FCMR: variants seen among roughly 807,000 people sequenced by gnomAD.
FCMR encodes immunoglobulin mu Fc receptor.
In FCMR, 34 loss-of-function variants were observed where a neutral mutation model predicts 41.6. The ratio of observed to expected loss-of-function variants is 0.82; its 90% CI spans 0.62 to 1.09. The LOEUF (loss-of-function observed/expected upper bound fraction) is 1.09. FCMR is among the 50% of genes least tolerant of loss of function. The pLI, the probability that FCMR is intolerant of heterozygous loss-of-function variation, is 0.00. For missense variants in FCMR, 496 were observed against 512.5 expected (o/e 0.97, Z 0.31); for synonymous variants, 209 against 211.8 (o/e 0.99, Z 0.12).
At position 206,908,815 on chromosome 1, in the gene FCMR, G is replaced by A. The variant is rs367642080; in HGVS notation, c.1044+647C>T. The stretch of plus-strand genomic sequence containing the variant: ...TTTGGACACTGTAGGCTGCTTTAGA[G>A]AATAAAAAGCTTTCTCATCTCAATT... On this transcript the variant is annotated intron_variant, in intron 7 of 7. Coordinates refer to ENST00000367091, the MANE Select transcript of FCMR (RefSeq NM_005449.5). Among the ~76,000 whole-genome samples, 46 of 152,226 alleles carry A rather than the reference G, an allele frequency of 3.0e-4. 1 individual carries two copies. The East Asian group carries it at 5.4e-3, about 18-fold the overall frequency.
At position 206,904,842 on chromosome 1, in the gene FCMR, G is replaced by C. The variant is rs370846528; in HGVS notation, c.*177C>G. 1.5e-6 allele frequency: 1 copy of C among 681,864 alleles called. No homozygotes were observed. Among genetic ancestry groups the C allele is most frequent in the Admixed American group, 2.5e-5 (1 of 40,268 alleles). The allele number at this position is 681,864 out of a possible 1,614,324, so 42.2% of individuals were successfully genotyped here. On this transcript the variant is annotated 3_prime_UTR_variant, in exon 8 of 8. Coordinates refer to ENST00000367091, the MANE Select transcript of FCMR (RefSeq NM_005449.5). ...AGGGGGCTGCCAAGGTGTGCAAGAC[G>C]ACCTGGGGGCAGAGCCATGCTCAGG...
At chr1:206,908,550 T>G (rs1034978562) in intron 7 of FCMR, among the ~76,000 whole-genome samples, 1 of 152,180 alleles carries the variant, frequency 6.6e-6, no homozygotes, top group Non-Finnish European at 1.5e-5. Flanking sequence ...CACCTGGTAA[T>G]ATAGCTCTGC....
chr1:206,920,933 G>A lies in FCMR; in HGVS notation c.37+885C>T, dbSNP rs1679411881. Among the ~76,000 whole-genome samples the A allele has an allele frequency of 2.0e-5, 3 of 152,222 alleles. No homozygotes were observed. The South Asian group carries it at 6.2e-4, about 31-fold the overall frequency. ...GAATGAGGATACATGGGAAGAGGTG[G>A]TAATTAGCCATTCTGGCATTTTGTG... On this transcript the variant is annotated intron_variant, in intron 1 of 7. Coordinates refer to ENST00000367091, the MANE Select transcript of FCMR (RefSeq NM_005449.5).
chr1:206,921,148 C>T (rs571738727), intron 1 of FCMR, among the ~76,000 whole-genome samples: 10 of 152,192 alleles, frequency 6.6e-5, no homozygotes, highest in African/African-American at 1.7e-4. Context: ...GAATGGATTA[C>T]GGAATTTTCA....
intron 7 of FCMR, chr1:206,907,825 TC>T: frequency 7.1e-7 from 1 of 1,400,932 alleles, no homozygotes; most frequent in Non-Finnish European, 1.0e-6. Context: ...CTTCCCGAGG[TC>T]CCTACCACTT....
intron 2 of FCMR, 59 bp downstream of exon 2, chr1:206,913,700 T>A: frequency 7.2e-7 from 1 of 1,396,744 alleles, no homozygotes; most frequent in Non-Finnish European, 1.0e-6. Context: ...GCTGTTCCAA[T>A]CTTCCCAAGT....
At position 206,912,952 on chromosome 1, in the gene FCMR, C is replaced by T; in HGVS notation, c.464G>A (p.Ser155Asn). ...ACCTCTGGTTACGAATTTGGAAGAA[C>T]TGGCATATGCAGGCATCTGGAACAA... ...PYLFQMPAYASSSKFVTRVTT... is the reference protein window; with the variant it reads ...PYLFQMPAYANSSKFVTRVTT... Residue 155 changes from serine (S) to asparagine (N), a missense_variant, in exon 3 of 8, where the codon AGT (serine) becomes AAT (asparagine). By Grantham distance (46) the Ser-to-Asn change is conservative. Transcript: ENST00000367091. 6.2e-7 allele frequency: 1 copy of T among 1,612,948 alleles called. No individual in the cohort carries two copies. The highest frequency in any genetic ancestry group is 8.5e-7 in the Non-Finnish European group (1 of 1,178,906).
chr1:206,907,736 G>A lies in FCMR; in HGVS notation c.1044+1726C>T, dbSNP rs1191893062. On this transcript the variant is annotated intron_variant, in intron 7 of 7. Coordinates refer to ENST00000367091, the MANE Select transcript of FCMR (RefSeq NM_005449.5). The stretch of plus-strand genomic sequence containing the variant: ...GAAGGTGGTTGTCGTACGCTGGGAG[G>A]GCATCAACATTTCTGGCAATTTCTA... 25 of 1,002,522 alleles carry A rather than the reference G, an allele frequency of 2.5e-5. No homozygotes were observed. The East Asian group carries it at 3.6e-4, about 14-fold the overall frequency. 62.1% of individuals were successfully genotyped at this position (1,002,522 alleles called of 1,614,324 possible). A position where few individuals can be genotyped will look rare whatever the true frequency, so the allele number is the denominator to read the frequency against.
At chr1:206,912,376 G>A (rs1678980098) in intron 3 of FCMR, among the ~76,000 whole-genome samples, 1 of 152,162 alleles carries the variant, frequency 6.6e-6, no homozygotes, top group African/African-American at 2.4e-5. Flanking sequence ...GTGTAATAAT[G>A]TTCAATTAAT....
intron 1 of FCMR, among the ~76,000 whole-genome samples, chr1:206,914,408 T>C (rs1255606676): frequency 1.2e-4 from 17 of 144,218 alleles, no homozygotes; most frequent in African/African-American, 4.7e-4. Context: ...TCTTTCTTTC[T>C]TTCCTTCCTT....
chr1:206,919,153 C>T (rs1249677159), intron 1 of FCMR, among the ~76,000 whole-genome samples: 1 of 152,122 alleles, frequency 6.6e-6, no homozygotes, highest in Non-Finnish European at 1.5e-5. Flanking sequence ...GTACAGTCTT[C>T]GTCCACCCCC....
Position 206,909,993 on chromosome 1 carries a change from T to G in FCMR, c.842-125A>C. The G allele has an allele frequency of 5.0e-6, 6 of 1,205,926 alleles. No individual in the cohort carries two copies. The highest frequency in any genetic ancestry group is 1.9e-5 in the South Asian group (1 of 54,010). The allele number at this position is 1,205,926 out of a possible 1,614,324, so 74.7% of individuals were successfully genotyped here. A position where few individuals can be genotyped will look rare whatever the true frequency, so the allele number is the denominator to read the frequency against. The stretch of plus-strand genomic sequence containing the variant: ...GTCTGACCTGGAGATGCTCCAAGCG[T>G]GGGGAATGTACGAGGCACGGCCTTG... On this transcript the variant is annotated intron_variant, in intron 5 of 7. Transcript: ENST00000367091. The surrounding 1 kb of genome is among the most constrained non-coding windows in gnomAD (Gnocchi z 5.0).
At position 206,904,830 on chromosome 1, in the gene FCMR, G is replaced by A; in HGVS notation, c.*189C>T. The A allele has an allele frequency of 1.6e-6, 1 of 618,882 alleles. No individual in the cohort carries two copies. Among genetic ancestry groups the A allele is most frequent in the Non-Finnish European group, 2.9e-6 (1 of 348,350 alleles). 38.3% of individuals were successfully genotyped at this position (618,882 alleles called of 1,614,324 possible). ...CCTGTCAACTACAGGGGGCTGCCAA[G>A]GTGTGCAAGACGACCTGGGGGCAGA... On this transcript the variant is annotated 3_prime_UTR_variant, in exon 8 of 8. Coordinates refer to ENST00000367091, the MANE Select transcript of FCMR (RefSeq NM_005449.5).
chr1:206,913,732 G>A, intron 2 of FCMR, 27 bp downstream of exon 2: 1 of 1,582,330 alleles, frequency 6.3e-7, no homozygotes, highest in Non-Finnish European at 8.7e-7. Flanking sequence ...TGGGTAGTCT[G>A]AGCCTCCAAT....
At chr1:206,919,317 A>G (rs1679333950) in intron 1 of FCMR, among the ~76,000 whole-genome samples, 1 of 152,160 alleles carries the variant, frequency 6.6e-6, no homozygotes, top group Non-Finnish European at 1.5e-5. Context: ...GAGTTTGGGT[A>G]GGGCATGGTG....
In FCMR at chr1:206,907,623, C is replaced by A. The variant is rs370629334; in HGVS notation, c.1044+1839G>T. 1,429 of 741,416 alleles carry A rather than the reference C, an allele frequency of 1.9e-3. 21 individuals carry two copies. The highest frequency in any genetic ancestry group is 0.018 in the East Asian group (691 of 38,228). 45.9% of individuals were successfully genotyped at this position (741,416 alleles called of 1,614,324 possible). On this transcript the variant is annotated intron_variant, in intron 7 of 7. Coordinates refer to ENST00000367091, the MANE Select transcript of FCMR (RefSeq NM_005449.5). ...TTTCCCAGGCGGCTGCCGAAGATGG[C>A]GGGGGTGCAGGTCCTGGTGCTTGAT...
intron 7 of FCMR, chr1:206,907,481 G>A (rs1678717106): frequency 2.5e-6 from 1 of 407,486 alleles, no homozygotes; most frequent in Non-Finnish European, 4.7e-6. Context: ...ACCTCTTCCT[G>A]TCCCTGTCTG....
intron 7 of FCMR, 91 bp from the exon 8 acceptor site, chr1:206,905,238 G>T: frequency 1.4e-6 from 2 of 1,440,600 alleles, no homozygotes; most frequent in African/African-American, 1.4e-5. Flanking sequence ...ATGGGGCATG[G>T]ACATGGCTGC....
intron 1 of FCMR, among the ~76,000 whole-genome samples, chr1:206,917,114 A>G (rs1308597892): frequency 1.3e-5 from 2 of 152,242 alleles, no homozygotes; most frequent in African/African-American, 2.4e-5. Context: ...CTCAATATAT[A>G]AACGGATGTA....
Sources: gnomAD v4.1 joint callset for allele counts (sites outside exome capture counted in the v4.1 genomes callset) on GRCh38, gnomAD v4.1.1 for gene constraint, Gnocchi (gnomAD v3.1) non-coding constraint, MANE v1.5 for transcripts, NCBI Gene and HGNC (gene_info 2026-07-23, HGNC 2026-07-21) for gene names.